Variants in ROBO2 observed in about 807,000 individuals in gnomAD.
ROBO2 encodes roundabout homolog 2.
In ROBO2, 53 loss-of-function variants were observed where a neutral mutation model predicts 160.8. The observed-to-expected ratio is 0.33, with a 90% CI of 0.26 to 0.41. The LOEUF is 0.41. ROBO2 is among the 10% of genes least tolerant of loss of function. ROBO2 has a pLI of 1.00. For missense variants in ROBO2, 1,577 were observed against 1,722.4 expected (o/e 0.92, Z 1.49); for synonymous variants, 664 against 611.7 (o/e 1.09, Z -1.26).
chr3:76,787,896 T>C (rs2063096189), intron 2 of ROBO2, among the ~76,000 whole-genome samples: 1 of 151,430 alleles, frequency 6.6e-6, no homozygotes, highest in Non-Finnish European at 1.5e-5. Context: ...CAACAACCCA[T>C]CATGATATTA....
chr3:76,232,129 C>A (rs753253935), intron 2 of ROBO2, among the ~76,000 whole-genome samples: 46 of 152,120 alleles, frequency 3.0e-4, no homozygotes, highest in Admixed American at 5.2e-4. Flanking sequence ...GCTACAGAGA[C>A]AGCACTCAGC....
At chr3:76,639,480 A>G (rs913494134) in intron 2 of ROBO2, among the ~76,000 whole-genome samples, 3 of 152,026 alleles carry the variant, frequency 2.0e-5, no homozygotes, top group Non-Finnish European at 2.9e-5. Context: ...ACACACACAC[A>G]CACACACACA....
At chr3:76,701,626 G>A (rs1490006137) in intron 2 of ROBO2, among the ~76,000 whole-genome samples, 2 of 151,924 alleles carry the variant, frequency 1.3e-5, no homozygotes, top group African/African-American at 4.8e-5. Flanking sequence ...TCCATTTTCT[G>A]TGTGTAATGA....
At chr3:76,817,251 C>A (rs544854786) in intron 2 of ROBO2, among the ~76,000 whole-genome samples, 2 of 152,160 alleles carry the variant, frequency 1.3e-5, no homozygotes, top group Non-Finnish European at 2.9e-5. Context: ...CTATTTCCAA[C>A]ACTTGGAGTC....
chr3:77,154,303 G>T (rs1560121286), intron 2 of ROBO2, among the ~76,000 whole-genome samples: 1 of 152,050 alleles, frequency 6.6e-6, no homozygotes. Context: ...AAAAAAACAG[G>T]CAGTGAGGTA....
At chr3:77,085,348 C>T (rs1243465853) in intron 1 of ROBO2, among the ~76,000 whole-genome samples, 1 of 152,086 alleles carries the variant, frequency 6.6e-6, no homozygotes, top group African/African-American at 2.4e-5. Flanking sequence ...GTAAACAGAG[C>T]TTATTCCAAA....
chr3:76,859,983 C>T (rs914052504), intron 2 of ROBO2, among the ~76,000 whole-genome samples: 2 of 152,170 alleles, frequency 1.3e-5, no homozygotes, highest in Non-Finnish European at 1.5e-5. Context: ...GTATTATCTT[C>T]GACTGCACAT....
intron 2 of ROBO2, among the ~76,000 whole-genome samples, chr3:77,333,680 T>C (rs1240573135): frequency 1.3e-5 from 2 of 152,204 alleles, no homozygotes; most frequent in African/African-American, 4.8e-5. Flanking sequence ...CAGTATATTG[T>C]TATAACCATC....
intron 2 of ROBO2, among the ~76,000 whole-genome samples, chr3:77,403,551 T>G (rs2075993728): frequency 6.6e-6 from 1 of 151,672 alleles, no homozygotes; most frequent in African/African-American, 2.4e-5. Flanking sequence ...CCCTTGTTTT[T>G]TAAAGTCTGA....
intron 2 of ROBO2, among the ~76,000 whole-genome samples, chr3:77,416,792 A>T (rs1348811731): frequency 6.6e-6 from 1 of 151,992 alleles, no homozygotes; most frequent in Non-Finnish European, 1.5e-5. Context: ...AAATGTTGAA[A>T]GGAGGGAGTA....
intron 2 of ROBO2, among the ~76,000 whole-genome samples, chr3:76,095,858 G>A (rs1477545379): frequency 6.6e-6 from 1 of 151,324 alleles, no homozygotes; most frequent in African/African-American, 2.4e-5. Context: ...AATAGAAATT[G>A]CAAAGACATA....
chr3:76,629,044 C>T (rs2089857630), intron 2 of ROBO2, among the ~76,000 whole-genome samples: 1 of 152,164 alleles, frequency 6.6e-6, no homozygotes, highest in Admixed American at 6.5e-5. Context: ...ATTGCACTGA[C>T]TGTGCCATCT....
At chr3:77,627,365 C>T (rs1014023270) in intron 23 of ROBO2, among the ~76,000 whole-genome samples, 34 of 152,086 alleles carry the variant, frequency 2.2e-4, no homozygotes, top group Admixed American at 1.9e-3. Context: ...CTGCAACCTC[C>T]GCCTCCCAGA....
intron 2 of ROBO2, among the ~76,000 whole-genome samples, chr3:77,265,740 T>C (rs1033645242): frequency 6.6e-6 from 1 of 152,174 alleles, no homozygotes; most frequent in African/African-American, 2.4e-5. Flanking sequence ...CTTGTGTCCA[T>C]TCTAATATGT....
chr3:77,307,842 CA>C (rs1480306791), intron 2 of ROBO2, among the ~76,000 whole-genome samples: 1 of 152,068 alleles, frequency 6.6e-6, no homozygotes, highest in Non-Finnish European at 1.5e-5. Context: ...AAGATCACAC[CA>C]GCTACTCAGG....
At chr3:76,311,984 G>A (rs1279061871) in intron 2 of ROBO2, among the ~76,000 whole-genome samples, 1 of 152,184 alleles carries the variant, frequency 6.6e-6, no homozygotes, top group Non-Finnish European at 1.5e-5. Flanking sequence ...TTCTGCTGTT[G>A]AAAAATTATC....
chr3:76,197,547 T>C (rs1443407701), intron 2 of ROBO2, among the ~76,000 whole-genome samples: 1 of 152,228 alleles, frequency 6.6e-6, no homozygotes, highest in African/African-American at 2.4e-5. Flanking sequence ...TCAATTTCTC[T>C]TTAGATTTGG....
intron 2 of ROBO2, among the ~76,000 whole-genome samples, chr3:77,029,856 CTACTT>C (rs1477563571): frequency 2.6e-5 from 4 of 152,040 alleles, no homozygotes; most frequent in African/African-American, 7.2e-5. Context: ...TTTTTAAAGA[CTACTT>C]TATGAATAAG....
intron 17 of ROBO2, 31 bp downstream of exon 18, chr3:77,588,964 CTT>C (rs1420911238): frequency 5.6e-6 from 9 of 1,608,088 alleles, no homozygotes; most frequent in Non-Finnish European, 6.0e-6. Context: ...AAGAAAATCT[CTT>C]GTCTGTAGGA....
Sources: gnomAD v4.1 joint callset for allele counts (sites outside exome capture counted in the v4.1 genomes callset) on GRCh38, gnomAD v4.1.1 for gene constraint, MANE v1.5 for transcripts, NCBI Gene and HGNC (gene_info 2026-07-23, HGNC 2026-07-21) for gene names.